The following ATP1A1 variants were observed in gnomAD, a reference collection of about 807,000 sequenced individuals.
The protein encoded by ATP1A1 is ATPase Na+/K+ transporting subunit alpha 1, also known as sodium/potassium-transporting ATPase subunit alpha-1.
In ATP1A1, 14 loss-of-function variants were observed where a neutral mutation model predicts 114.8. The ratio of observed to expected loss-of-function variants is 0.12; its 90% confidence interval spans 0.08 to 0.19. The LOEUF is 0.19. ATP1A1 is among the 10% of genes least tolerant of loss of function. ATP1A1 has a pLI of 1.00. For synonymous variants in ATP1A1, 471 were observed against 466.3 expected (o/e 1.01, Z -0.13); for missense variants, 524 against 1,290.7 (o/e 0.41, Z 9.10).
chr1:116,382,761 T>C (rs551825559), intron 1 of ATP1A1, among the ~76,000 whole-genome samples: 69 of 152,278 alleles, frequency 4.5e-4, no homozygotes, highest in Non-Finnish European at 8.4e-4. Context: ...TTTTTTCATT[T>C]CAGCACAGTG....
chr1:116,378,361 T>C (rs901323863), intron 1 of ATP1A1, among the ~76,000 whole-genome samples: 2 of 152,262 alleles, frequency 1.3e-5, no homozygotes, highest in African/African-American at 4.8e-5. Flanking sequence ...ACGTGATCTC[T>C]TTCCAGTTTT....
At position 116,395,175 on chromosome 1, in the gene ATP1A1, G is replaced by A; in HGVS notation, c.1726G>A (p.Val576Met). 1 of 1,614,152 alleles carries A rather than the reference G, an allele frequency of 6.2e-7. No individual in the cohort carries two copies. The highest frequency in any genetic ancestry group is 1.7e-4 in the Middle Eastern group (1 of 6,060). The change falls in exon 13 of 23, where the codon GTG becomes ATG. Residue 576 changes from valine (V) to methionine (M), a missense_variant. Physicochemically the swap from Val to Met is conservative, Grantham distance 21 (BLOSUM62 1). Transcript: ENST00000295598. The surrounding 1 kb of genome is among the most constrained non-coding windows in gnomAD (Gnocchi z 6.4). ...PEGFQFDTDDVNFPIDNLCFV... is the reference protein window; with the variant it reads ...PEGFQFDTDDMNFPIDNLCFV... ...AGGGTTCCAGTTTGACACTGACGATGTGAATTTCCCTATCGATAATCTGTG... is the reference window on the plus strand; with the variant it reads ...AGGGTTCCAGTTTGACACTGACGATATGAATTTCCCTATCGATAATCTGTG...
At position 116,399,099 on chromosome 1, in the gene ATP1A1, A is replaced by G; in HGVS notation, c.2448+15A>G. ...GCACTGACATGGTGAGTGTCACAACAGTCACAGATCGATAGTAGTGAGGTG... is the reference window on the plus strand; with the variant it reads ...GCACTGACATGGTGAGTGTCACAACGGTCACAGATCGATAGTAGTGAGGTG... On this transcript the variant is annotated intron_variant, in intron 17 of 22. Transcript: ENST00000295598. The surrounding 1 kb of genome is among the most constrained non-coding windows in gnomAD (Gnocchi z 5.0). The G allele has an allele frequency of 6.2e-7, 1 of 1,614,120 alleles. No homozygotes were observed. Among genetic ancestry groups the G allele is most frequent in the Non-Finnish European group, 8.5e-7 (1 of 1,179,992 alleles).
rs767223385 is a variant in ATP1A1 at position 116,384,867 on chromosome 1, G to C, written c.183+25G>C. Reference sequence around the variant, plus strand: ...GGTATGTTCTAGTTTGAAAGCTGTTGTACAAAATCCTAGTTTTCCGTATTA... The same window carrying C: ...GGTATGTTCTAGTTTGAAAGCTGTTCTACAAAATCCTAGTTTTCCGTATTA... On this transcript the variant is annotated intron_variant, in intron 3 of 22. Coordinates refer to ENST00000295598, the MANE Select transcript of ATP1A1 (RefSeq NM_000701.8). The surrounding 1 kb of genome is among the most constrained non-coding windows in gnomAD (Gnocchi z 5.1). The C allele has an allele frequency of 3.7e-5, 60 of 1,610,356 alleles. No individual in the cohort carries two copies. In the Middle Eastern group the frequency reaches 4.9e-4, roughly 13 times the overall value.
At chr1:116,379,371 CCT>C (rs1264566683) in intron 1 of ATP1A1, among the ~76,000 whole-genome samples, 1 of 152,194 alleles carries the variant, frequency 6.6e-6, no homozygotes, top group Non-Finnish European at 1.5e-5. Context: ...AGGCTCACCT[CCT>C]CTGCAGAGAA....
chr1:116,374,368 A>T (rs1651212018), intron 1 of ATP1A1: 2 of 1,405,342 alleles, frequency 1.4e-6, no homozygotes, highest in Non-Finnish European at 2.0e-6. Context: ...GCCCTGAAGG[A>T]GGATAGGCAG....
In ATP1A1 at chr1:116,384,633, G is replaced by A. The variant is rs1011657815; in HGVS notation, c.124-150G>A. On this transcript the variant is annotated intron_variant, in intron 2 of 22. Coordinates refer to ENST00000295598, the MANE Select transcript of ATP1A1 (RefSeq NM_000701.8). The surrounding 1 kb of genome is among the most constrained non-coding windows in gnomAD (Gnocchi z 5.1). ...CTGTGTGGTTGCAAAGCCACAAAGC[G>A]ATGGTGAAAATTGTACCAACTTATG... is the stretch of plus-strand genomic sequence containing the variant. 12 of 650,740 alleles carry A rather than the reference G, an allele frequency of 1.8e-5. No homozygotes were observed. The highest frequency in any genetic ancestry group is 9.1e-5 in the East Asian group (3 of 32,856). 40.3% of individuals were successfully genotyped at this position (650,740 alleles called of 1,614,324 possible). A position where few individuals can be genotyped will look rare whatever the true frequency, so the allele number is the denominator to read the frequency against.
intron 21 of ATP1A1, among the ~76,000 whole-genome samples, chr1:116,402,324 G>A (rs1344379939): frequency 2.6e-5 from 4 of 152,220 alleles, no homozygotes; most frequent in Non-Finnish European, 5.9e-5. Flanking sequence ...ACTGCAACTT[G>A]ATTAAAACGT....
In ATP1A1 at chr1:116,384,262, G is replaced by T; in HGVS notation, c.123+138G>T. On this transcript the variant is annotated intron_variant, in intron 2 of 22. Coordinates refer to ENST00000295598, the MANE Select transcript of ATP1A1 (RefSeq NM_000701.8). The surrounding 1 kb of genome is among the most constrained non-coding windows in gnomAD (Gnocchi z 5.1). ...GCAGCTGTACAGATCTCATCTAGTC[G>T]TAGAGGTTAATGTTGAACATATACT... is the stretch of plus-strand genomic sequence containing the variant. The T allele has an allele frequency of 2.8e-6, 2 of 712,322 alleles. No individual in the cohort carries two copies. The highest frequency in any genetic ancestry group is 4.6e-6 in the Non-Finnish European group (2 of 437,648). 44.1% of individuals were successfully genotyped at this position (712,322 alleles called of 1,614,324 possible).
At position 116,388,348 on chromosome 1, in the gene ATP1A1, A is replaced by G; in HGVS notation, c.501+104A>G. 9.4e-7 allele frequency: 1 copy of G among 1,059,382 alleles called. No individual in the cohort carries two copies. Among genetic ancestry groups the G allele is most frequent in the Non-Finnish European group, 1.4e-6 (1 of 711,524 alleles). 65.6% of individuals were successfully genotyped at this position (1,059,382 alleles called of 1,614,324 possible). On this transcript the variant is annotated intron_variant, in intron 5 of 22. Coordinates refer to ENST00000295598, the MANE Select transcript of ATP1A1 (RefSeq NM_000701.8). The surrounding 1 kb of genome is among the most constrained non-coding windows in gnomAD (Gnocchi z 5.6). ...AGGTTTTCCAAGTATTACATGACTC[A>G]TCAGAGAGATGGATGTCTTCTACCC...
chr1:116,388,555 T>G lies in ATP1A1; in HGVS notation c.502-83T>G. ...TGTTTTGTATTCAGGTAATTAGGAT[T>G]ATGACTATTTTTATTTTCTTGTTTT... On this transcript the variant is annotated intron_variant, in intron 5 of 22. Coordinates refer to ENST00000295598, the MANE Select transcript of ATP1A1 (RefSeq NM_000701.8). The surrounding 1 kb of genome is among the most constrained non-coding windows in gnomAD (Gnocchi z 5.6). 1 of 1,486,876 alleles carries G rather than the reference T, an allele frequency of 6.7e-7. No individual in the cohort carries two copies. The highest frequency in any genetic ancestry group is 9.1e-7 in the Non-Finnish European group (1 of 1,096,204). The allele number at this position is 1,486,876 out of a possible 1,614,324, so 92.1% of individuals were successfully genotyped here.
At chr1:116,392,558 TGGAA>T (rs1652551477) in intron 10 of ATP1A1, 3 of 260,966 alleles carry the variant, frequency 1.1e-5, no homozygotes, top group Non-Finnish European at 1.4e-5. Flanking sequence ...TGCAGTAGGT[TGGAA>T]GGGTGTGTTA....
chr1:116,374,210 T>A (rs941802169), intron 1 of ATP1A1: 2 of 1,550,980 alleles, frequency 1.3e-6, no homozygotes, highest in Non-Finnish European at 1.7e-6. Context: ...CCAGAAAGGG[T>A]GTGTCTTCAC....
At chr1:116,374,799 G>C (rs963378163) in intron 1 of ATP1A1, among the ~76,000 whole-genome samples, 1 of 152,238 alleles carries the variant, frequency 6.6e-6, no homozygotes, top group Non-Finnish European at 1.5e-5. Context: ...TGAAGGCCCT[G>C]AGGCTTCTGG....
At chr1:116,390,525 C>CTT in intron 9 of ATP1A1, 114 bp downstream of exon 9, 1 of 947,842 alleles carries the variant, frequency 1.1e-6, no homozygotes, top group South Asian at 2.0e-5. Context: ...GCAGCTTTTT[C>CTT]TTTCTTTTTT....
intron 21 of ATP1A1, among the ~76,000 whole-genome samples, chr1:116,402,717 T>G (rs1653602391): frequency 6.6e-6 from 1 of 152,210 alleles, no homozygotes; most frequent in Non-Finnish European, 1.5e-5. Context: ...CCCACATCCC[T>G]CCTTCTGTTC....
Position 116,388,591 on chromosome 1 carries a change from T to G in ATP1A1, c.502-47T>G. 1.3e-6 allele frequency: 2 copies of G among 1,588,466 alleles called. No individual in the cohort carries two copies. Among genetic ancestry groups the G allele is most frequent in the Non-Finnish European group, 1.7e-6 (2 of 1,165,340 alleles). ...TTATTTTCTTGTTTTGGACACTACC[T>G]TCTCTTTGTTGGTATACTAACGGTG... is the stretch of plus-strand genomic sequence containing the variant. On this transcript the variant is annotated intron_variant, in intron 5 of 22. Transcript: ENST00000295598. The surrounding 1 kb of genome is among the most constrained non-coding windows in gnomAD (Gnocchi z 5.6).
At chr1:116,396,841 T>C (rs1366885691) in intron 14 of ATP1A1, 107 bp downstream of exon 14, 2 of 1,344,980 alleles carry the variant, frequency 1.5e-6, no homozygotes, top group Non-Finnish European at 2.0e-6. Flanking sequence ...TTGCTCTGAG[T>C]AGGAAATGTA....
chr1:116,373,471 C>T lies in ATP1A1; in HGVS notation c.-41C>T, dbSNP rs1035791490. The T allele has an allele frequency of 2.6e-6, 4 of 1,512,214 alleles. No individual in the cohort carries two copies. Among genetic ancestry groups the T allele is most frequent in the East Asian group, 2.9e-5 (1 of 34,780 alleles). 93.7% of individuals were successfully genotyped at this position (1,512,214 alleles called of 1,614,324 possible). ...GCTCTGTGCTTTTCTCTCTGATTCTCCAGCGACAGGACCCGGCGCCGGGCA... is the reference window on the plus strand; with the variant it reads ...GCTCTGTGCTTTTCTCTCTGATTCTTCAGCGACAGGACCCGGCGCCGGGCA... On this transcript the variant is annotated 5_prime_UTR_variant, in exon 1 of 23. Transcript: ENST00000295598.
Sources: gnomAD v4.1 joint callset for allele counts (sites outside exome capture counted in the v4.1 genomes callset) on GRCh38, gnomAD v4.1.1 for gene constraint, Gnocchi (gnomAD v3.1) non-coding constraint, MANE v1.5 for transcripts, NCBI Gene and HGNC (gene_info 2026-07-23, HGNC 2026-07-21) for gene names.